Variants in PKNOX2 observed in about 807,000 individuals in gnomAD.
The protein encoded by PKNOX2 is PBX/knotted 1 homeobox 2.
In PKNOX2, 14 loss-of-function variants were observed where a neutral mutation model predicts 53.1. The observed-to-expected ratio is 0.26, with a 90% confidence interval of 0.17 to 0.41. The LOEUF is 0.41. Among genes scored for constraint, PKNOX2 ranks in the 10% least tolerant of loss-of-function variants. The pLI, the probability that PKNOX2 is intolerant of heterozygous loss-of-function variation, is 1.00. For missense variants in PKNOX2, 496 were observed against 602.8 expected, an observed-to-expected ratio of 0.82 and a Z score of 1.85; for synonymous variants, 257 against 242.8, an observed-to-expected ratio of 1.06 and a Z score of -0.54.
intron 1 of PKNOX2, among the ~76,000 whole-genome samples, chr11:125,176,452 G>C (rs1176759049): frequency 1.3e-5 from 2 of 152,214 alleles, no homozygotes; most frequent in Non-Finnish European, 2.9e-5. Flanking sequence ...AGTTCCGTGG[G>C]TAATTAGTTA....
chr11:125,257,769 T>C (rs1944520246), intron 2 of PKNOX2, among the ~76,000 whole-genome samples: 1 of 152,224 alleles, frequency 6.6e-6, no homozygotes, highest in African/African-American at 2.4e-5. Context: ...TTCTGTCTCC[T>C]GTCTGTTTTG....
chr11:125,250,581 A>G (rs1051070242), intron 2 of PKNOX2, among the ~76,000 whole-genome samples: 1 of 152,210 alleles, frequency 6.6e-6, no homozygotes, highest in East Asian at 1.9e-4. Flanking sequence ...TGGAGGGATC[A>G]CCACTCCCTG....
At chr11:125,407,660 G>A (rs1955189464) in intron 7 of PKNOX2, among the ~76,000 whole-genome samples, 1 of 151,892 alleles carries the variant, frequency 6.6e-6, no homozygotes, top group South Asian at 2.1e-4. Context: ...CATGACTCAG[G>A]AGGCTCAGGT....
rs1009266531 is a variant in PKNOX2 at position 125,412,447 on chromosome 11, G to A, written c.936+582G>A. 8.5e-5 allele frequency among the ~76,000 whole-genome samples: 13 copies of A among 152,304 alleles called. No homozygotes were observed. In the East Asian group the frequency reaches 2.1e-3, roughly 25 times the overall value. Reference sequence around the variant, plus strand: ...CTTTTATAAAATGGCACACTACCTCGGGTTGCAGTGGAGTGTTACTGAAGT... The same window carrying A: ...CTTTTATAAAATGGCACACTACCTCAGGTTGCAGTGGAGTGTTACTGAAGT... On this transcript the variant is annotated intron_variant, in intron 10 of 12. Coordinates refer to ENST00000298282, the MANE Select transcript of PKNOX2 (RefSeq NM_001382323.2).
At chr11:125,254,814 T>A (rs1281704595) in intron 2 of PKNOX2, among the ~76,000 whole-genome samples, 1 of 143,546 alleles carries the variant, frequency 7.0e-6, no homozygotes, top group Non-Finnish European at 1.6e-5. Flanking sequence ...AGGTGAATTC[T>A]AAGTCTGAGG....
intron 4 of PKNOX2, among the ~76,000 whole-genome samples, chr11:125,363,791 T>G (rs563082866): frequency 3.3e-5 from 5 of 152,200 alleles, no homozygotes; most frequent in South Asian, 2.1e-4. Context: ...AGAAAGCTAC[T>G]TGGGGAAAAA....
intron 5 of PKNOX2, among the ~76,000 whole-genome samples, chr11:125,374,704 G>T (rs1374757863): frequency 6.6e-6 from 1 of 152,098 alleles, no homozygotes; most frequent in Non-Finnish European, 1.5e-5. Context: ...ATCATCCAGG[G>T]TCCCCGCCAA....
chr11:125,178,850 A>G (rs1272032979), intron 1 of PKNOX2, among the ~76,000 whole-genome samples: 4 of 152,116 alleles, frequency 2.6e-5, no homozygotes, highest in Admixed American at 2.0e-4. Context: ...CACTTGTGAT[A>G]TGACCCAGGA....
At chr11:125,408,031 C>T (rs978047466) in intron 7 of PKNOX2, among the ~76,000 whole-genome samples, 2 of 152,190 alleles carry the variant, frequency 1.3e-5, no homozygotes, top group Non-Finnish European at 2.9e-5. Flanking sequence ...TTTATCTGTT[C>T]ACCTTGCCTG....
intron 4 of PKNOX2, among the ~76,000 whole-genome samples, chr11:125,357,281 C>A (rs573356268): frequency 1.3e-5 from 2 of 152,186 alleles, no homozygotes; most frequent in Admixed American, 6.5e-5. Context: ...TTACTCAAGA[C>A]CTGGACTCTT....
At chr11:125,169,713 T>C (rs941718495) in intron 1 of PKNOX2, among the ~76,000 whole-genome samples, 4 of 152,174 alleles carry the variant, frequency 2.6e-5, no homozygotes, top group African/African-American at 9.7e-5. Flanking sequence ...AAATGGGAGA[T>C]AGAGGCTTCT....
intron 6 of PKNOX2, among the ~76,000 whole-genome samples, chr11:125,388,350 A>ACC (rs1347744476): frequency 6.6e-6 from 1 of 151,976 alleles, no homozygotes; most frequent in Non-Finnish European, 1.5e-5. Flanking sequence ...ATTTTTTACA[A>ACC]CCCCGCACAC....
At chr11:125,297,254 G>T (rs779018911) in intron 2 of PKNOX2, among the ~76,000 whole-genome samples, 1 of 152,202 alleles carries the variant, frequency 6.6e-6, no homozygotes, top group African/African-American at 2.4e-5. Context: ...CAGAATGGAG[G>T]CAGATAGCAG....
chr11:125,242,233 T>C (rs1943209564), intron 2 of PKNOX2, among the ~76,000 whole-genome samples: 1 of 152,144 alleles, frequency 6.6e-6, no homozygotes, highest in African/African-American at 2.4e-5. Context: ...GCTGGCCTGT[T>C]GTCATCGGAG....
chr11:125,296,886 G>A (rs1027210226), intron 2 of PKNOX2, among the ~76,000 whole-genome samples: 22 of 152,078 alleles, frequency 1.4e-4, no homozygotes, highest in Middle Eastern at 3.2e-3. Flanking sequence ...CACCCACCTC[G>A]GCCTCCCAAA....
intron 3 of PKNOX2, among the ~76,000 whole-genome samples, chr11:125,350,533 C>T (rs1951241055): frequency 6.6e-6 from 1 of 152,216 alleles, no homozygotes; most frequent in Non-Finnish European, 1.5e-5. Context: ...CCCCACATTC[C>T]GGTGACCGTA....
intron 6 of PKNOX2, among the ~76,000 whole-genome samples, chr11:125,386,229 G>T (rs1358285357): frequency 6.6e-6 from 1 of 152,238 alleles, no homozygotes; most frequent in Admixed American, 6.5e-5. Context: ...TGGGGACAGG[G>T]TAGATCAGCT....
Position 125,165,316 on chromosome 11 carries a change from C to T in PKNOX2, c.-201+540C>T, listed in dbSNP as rs1418715220. Among the ~76,000 whole-genome samples the T allele has an allele frequency of 6.6e-6, 1 of 152,108 alleles. No homozygotes were observed. Among genetic ancestry groups the T allele is most frequent in the Non-Finnish European group, 1.5e-5 (1 of 67,998 alleles). On this transcript the variant is annotated intron_variant, in intron 1 of 12. Coordinates refer to ENST00000298282, the MANE Select transcript of PKNOX2 (RefSeq NM_001382323.2). The surrounding 1 kb of genome is among the most constrained non-coding windows in gnomAD (Gnocchi z 4.5). ...GCGCCAGGGGACCCGAGAATAGGAA[C>T]AGGCACGCCGGCCCGAGCCCGGGTG...
intron 2 of PKNOX2, among the ~76,000 whole-genome samples, chr11:125,308,681 G>GT (rs1190473696): frequency 5.1e-5 from 7 of 136,234 alleles, no homozygotes; most frequent in African/African-American, 2.2e-4. Context: ...AGGTCACCTG[G>GT]TTTAACTGCC....
Sources: gnomAD v4.1 joint callset for allele counts (sites outside exome capture counted in the v4.1 genomes callset) on GRCh38, gnomAD v4.1.1 for gene constraint, Gnocchi (gnomAD v3.1) non-coding constraint, MANE v1.5 for transcripts, NCBI Gene and HGNC (gene_info 2026-07-23, HGNC 2026-07-21) for gene names.